ADAMTS6: variants seen among roughly 807,000 people sequenced by gnomAD.
ADAMTS6 encodes ADAM metallopeptidase with thrombospondin type 1 motif 6.
In ADAMTS6, 23 loss-of-function variants were observed where a neutral mutation model predicts 144.3. The ratio of observed to expected loss-of-function variants is 0.16; its 90% CI spans 0.11 to 0.23. The LOEUF (loss-of-function observed/expected upper bound fraction) is 0.23. Ranked by LOEUF, ADAMTS6 falls within the 10% of genes least tolerant of loss-of-function variation. ADAMTS6 has a pLI of 1.00. For synonymous variants in ADAMTS6, 444 were observed against 457.5 expected (o/e 0.97, Z 0.38); for missense variants, 999 against 1,379.6 (o/e 0.72, Z 4.37).
chr5:65,420,642 A>G (rs1177936329), intron 7 of ADAMTS6, among the ~76,000 whole-genome samples: 1 of 138,942 alleles, frequency 7.2e-6, no homozygotes, highest in Non-Finnish European at 1.5e-5. Flanking sequence ...TGGCCTCCCA[A>G]AGTGCTGGGA....
chr5:65,467,448 T>G (rs1261686423), intron 3 of ADAMTS6, among the ~76,000 whole-genome samples: 1 of 152,056 alleles, frequency 6.6e-6, no homozygotes, highest in Non-Finnish European at 1.5e-5. Context: ...GAGGGAAATT[T>G]TTTTTAACTA....
At position 65,226,150 on chromosome 5, in the gene ADAMTS6, G is replaced by T. The variant is rs145963490; in HGVS notation, c.2003C>A (p.Ala668Glu). ...ATTGCACTGGGTCCCATCGATCACCGCAGGAGCACGTTCAGTGTAGAAATT... is the reference window on the plus strand; with the variant it reads ...ATTGCACTGGGTCCCATCGATCACCTCAGGAGCACGTTCAGTGTAGAAATT... ...GYNFYTERAP[A>E]VIDGTQCNAD... is the part of the protein sequence containing the mutation. The change falls in exon 16 of 25, where the codon GCG (alanine) becomes GAG (glutamate). Residue 668 changes from alanine (A) to glutamate (E), a missense_variant. By Grantham distance (107) the Ala-to-Glu change is moderately radical. Transcript: ENST00000381055. 6.1e-5 allele frequency: 99 copies of T among 1,613,854 alleles called. No individual in the cohort carries two copies. The African/African-American group carries it at 1.2e-3, about 19-fold the overall frequency.
At chr5:65,366,126 T>C (rs533948765) in intron 7 of ADAMTS6, among the ~76,000 whole-genome samples, 48 of 152,308 alleles carry the variant, frequency 3.2e-4, no homozygotes, top group Non-Finnish European at 6.3e-4. Flanking sequence ...TCAGAGAAAC[T>C]TGTTTTTAAA....
intron 14 of ADAMTS6, among the ~76,000 whole-genome samples, chr5:65,247,363 A>G (rs1759720291): frequency 6.6e-6 from 1 of 152,164 alleles, no homozygotes; most frequent in South Asian, 2.1e-4. Flanking sequence ...AAAAGGAATA[A>G]TTCATTGAGG....
intron 22 of ADAMTS6, among the ~76,000 whole-genome samples, chr5:65,175,956 C>T (rs1357300554): frequency 6.6e-6 from 1 of 151,434 alleles, no homozygotes; most frequent in Non-Finnish European, 1.5e-5. Context: ...AATTGAAATC[C>T]CAAACTTAAA....
intron 3 of ADAMTS6, among the ~76,000 whole-genome samples, chr5:65,463,908 G>C (rs1159214076): frequency 2.0e-5 from 3 of 152,166 alleles, no homozygotes; most frequent in Non-Finnish European, 4.4e-5. Flanking sequence ...CCTGAAGGTA[G>C]GGTCAGATGT....
intron 20 of ADAMTS6, among the ~76,000 whole-genome samples, chr5:65,206,446 C>T (rs1756088482): frequency 6.6e-6 from 1 of 151,896 alleles, no homozygotes; most frequent in African/African-American, 2.4e-5. Flanking sequence ...GTATAAGAAT[C>T]CAGATGATTT....
chr5:65,414,258 T>C (rs1267208230), intron 7 of ADAMTS6, among the ~76,000 whole-genome samples: 3 of 152,218 alleles, frequency 2.0e-5, no homozygotes, highest in Non-Finnish European at 4.4e-5. Context: ...GCTTTTAAAA[T>C]TATTTTTTAT....
chr5:65,391,262 G>T (rs1752887886), intron 7 of ADAMTS6, among the ~76,000 whole-genome samples: 1 of 151,862 alleles, frequency 6.6e-6, no homozygotes, highest in Non-Finnish European at 1.5e-5. Flanking sequence ...GTGTTTTCAG[G>T]TTCCTTAAAA....
rs954018797 is a variant in ADAMTS6 at position 65,225,095 on chromosome 5, A to G, written c.2068-48T>C. 1.9e-6 allele frequency: 3 copies of G among 1,572,766 alleles called. No homozygotes were observed. In the African/African-American group the frequency reaches 4.1e-5, roughly 21 times the overall value. ...AGTGTGTCAAGAGAGAAATTCTTGG[A>G]ATCATAACTAATGAAATACATATAA... is the stretch of plus-strand genomic sequence containing the variant. On this transcript the variant is annotated intron_variant, in intron 16 of 24. Transcript: ENST00000381055.
intron 7 of ADAMTS6, among the ~76,000 whole-genome samples, chr5:65,337,496 C>A (rs1445889493): frequency 6.6e-6 from 1 of 151,958 alleles, no homozygotes; most frequent in Non-Finnish European, 1.5e-5. Context: ...GTGCTGTCAG[C>A]CCCATATTTC....
chr5:65,420,972 A>G (rs912563319), intron 7 of ADAMTS6, among the ~76,000 whole-genome samples: 3 of 152,280 alleles, frequency 2.0e-5, no homozygotes, highest in African/African-American at 4.8e-5. Context: ...ATGTTAAATG[A>G]GTCTCTTGAA....
intron 9 of ADAMTS6, among the ~76,000 whole-genome samples, chr5:65,301,565 A>G (rs777085340): frequency 3.9e-5 from 6 of 152,212 alleles, no homozygotes; most frequent in Non-Finnish European, 7.3e-5. Context: ...TATGGAATTG[A>G]TCTGTCTATT....
chr5:65,196,522 C>CAAAACAAAAAAAA (rs1755381402), intron 21 of ADAMTS6, among the ~76,000 whole-genome samples: 1 of 38,036 alleles, frequency 2.6e-5, no homozygotes, highest in Non-Finnish European at 5.2e-5. Flanking sequence ...GACTCCGTCT[C>CAAAACAAAAAAAA]AAAAAAAAAA....
chr5:65,319,739 GGGAAGGAAGGAAGGAA>G (rs776411832), intron 9 of ADAMTS6, among the ~76,000 whole-genome samples: 742 of 65,580 alleles, frequency 0.011, 14 homozygotes, highest in African/African-American at 0.02. Context: ...GAGGGAGGGA[GGGAAGGAAGGAAGGAA>G]GGAAGGAAGG....
Position 65,470,861 on chromosome 5 carries a change from A to C in ADAMTS6, c.379T>G (p.Phe127Val), listed in dbSNP as rs1461028901. ...CCTGTGTAATGACAGTTGTCTAAAAAATCATGTTTCCACTGGGGTCCATCT... is the reference window on the plus strand; with the variant it reads ...CCTGTGTAATGACAGTTGTCTAAAACATCATGTTTCCACTGGGGTCCATCT... ...GKDGPQWKHD[F>V]LDNCHYTGYL... The change falls in exon 3 of 25, where the codon TTT (phenylalanine) becomes GTT (valine). Residue 127 changes from phenylalanine to valine, a missense_variant. By Grantham distance (50) the Phe-to-Val change is conservative. Around this residue, in one of 3 missense-constraint regions of ADAMTS6, gnomAD observed 252 missense variants for 293.7 expected, o/e 0.86. Transcript: ENST00000381055. The C allele has an allele frequency of 6.2e-7, 1 of 1,609,570 alleles. No individual in the cohort carries two copies. The highest frequency in any genetic ancestry group is 8.5e-7 in the Non-Finnish European group (1 of 1,178,900).
At chr5:65,230,277 A>C in intron 15 of ADAMTS6, among the ~76,000 whole-genome samples, 1 of 96,152 alleles carries the variant, frequency 1.0e-5, no homozygotes, top group Non-Finnish European at 2.1e-5. Flanking sequence ...ACAAAGCAAA[A>C]TACCTAAAGC....
intron 10 of ADAMTS6, among the ~76,000 whole-genome samples, chr5:65,291,995 G>A (rs906673962): frequency 6.6e-5 from 10 of 152,080 alleles, no homozygotes; most frequent in Middle Eastern, 3.2e-3. Context: ...TGAGGCCAAC[G>A]ACCAAAGTTT....
chr5:65,436,557 C>T (rs1043922911), intron 7 of ADAMTS6, among the ~76,000 whole-genome samples: 5 of 152,070 alleles, frequency 3.3e-5, no homozygotes, highest in East Asian at 1.9e-4. Flanking sequence ...AAATCTTGGC[C>T]GGGCGCAGTG....
Sources: gnomAD v4.1 joint callset for allele counts (sites outside exome capture counted in the v4.1 genomes callset) on GRCh38, gnomAD v4.1.1 for gene constraint, gnomAD v4.1.1 regional missense constraint, MANE v1.5 for transcripts, NCBI Gene and HGNC (gene_info 2026-07-23, HGNC 2026-07-21) for gene names.